Variants in PTPRG observed in about 807,000 individuals in gnomAD.
PTPRG encodes the protein receptor-type tyrosine-protein phosphatase gamma.
Under a neutral mutation model 165.3 loss-of-function variants are expected in PTPRG, and 102 were observed. That is an observed-to-expected ratio of 0.62 (90% CI 0.53 to 0.73). The LOEUF (loss-of-function observed/expected upper bound fraction) is 0.73, where lower values mean the gene tolerates loss of function less well. Among genes scored for constraint, PTPRG ranks in the 30% least tolerant of loss-of-function variants. The pLI, the probability that PTPRG is intolerant of heterozygous loss-of-function variation, is 0.00. For missense variants in PTPRG, 1,866 were observed against 1,861.4 expected (o/e 1.00, Z -0.05); for synonymous variants, 675 against 669.5 (o/e 1.01, Z -0.13).
chr3:61,649,438 G>A (rs1292982114), intron 1 of PTPRG, among the ~76,000 whole-genome samples: 1 of 152,138 alleles, frequency 6.6e-6, no homozygotes, highest in Non-Finnish European at 1.5e-5. Context: ...TTCCAAGGTG[G>A]CACCTTATTG....
At chr3:62,242,133 T>C (rs2106948113) in intron 14 of PTPRG, among the ~76,000 whole-genome samples, 1 of 152,316 alleles carries the variant, frequency 6.6e-6, no homozygotes, top group Admixed American at 6.5e-5. Flanking sequence ...TTCACATAGA[T>C]TTCCATTGCT....
chr3:61,622,326 A>G (rs565209852), intron 1 of PTPRG, among the ~76,000 whole-genome samples: 2 of 152,194 alleles, frequency 1.3e-5, no homozygotes, highest in Admixed American at 6.5e-5. Flanking sequence ...CAAGGTAAAG[A>G]AGGGGGAGCT....
chr3:62,102,199 C>T (rs1179995137), intron 5 of PTPRG, among the ~76,000 whole-genome samples: 3 of 152,152 alleles, frequency 2.0e-5, no homozygotes, highest in Non-Finnish European at 4.4e-5. Flanking sequence ...GAGCTTAGCA[C>T]AGCGTGGATA....
intron 3 of PTPRG, among the ~76,000 whole-genome samples, chr3:61,994,084 CT>C (rs2040961869): frequency 6.6e-6 from 1 of 152,236 alleles, no homozygotes; most frequent in African/African-American, 2.4e-5. Flanking sequence ...CCGTAACTAT[CT>C]ATTGTGCCAG....
In PTPRG at chr3:61,737,707, G is replaced by C. The variant is rs78981364; in HGVS notation, c.86-11171G>C. On this transcript the variant is annotated intron_variant, in intron 1 of 29. Transcript: ENST00000474889. ...TTTTAAGCAAAGGGGTGTCATGGTT[G>C]GAGTGTCCCCTGTATTTGATCCCCA... Among the ~76,000 whole-genome samples the C allele has an allele frequency of 8.2e-3, 1,246 of 152,118 alleles. 22 individuals carry two copies. The highest frequency in any genetic ancestry group is 0.027 in the African/African-American group (1,140 of 41,482).
intron 1 of PTPRG, among the ~76,000 whole-genome samples, chr3:61,672,160 A>G (rs1366407792): frequency 3.3e-5 from 4 of 120,496 alleles, no homozygotes; most frequent in Non-Finnish European, 5.2e-5. Context: ...CCCAGATGTG[A>G]TGGCGGCCGG....
intron 2 of PTPRG, among the ~76,000 whole-genome samples, chr3:61,967,168 C>T (rs1477322639): frequency 1.3e-5 from 2 of 152,144 alleles, no homozygotes; most frequent in African/African-American, 4.8e-5. Flanking sequence ...CTAGGCCTGA[C>T]CTGGACCATT....
intron 2 of PTPRG, among the ~76,000 whole-genome samples, chr3:61,926,609 C>CTCCCTCCCTCCCTCCCTCCCTCCCTCTT (rs1335655029): frequency 1.1e-5 from 1 of 94,788 alleles, no homozygotes; most frequent in Admixed American, 1.2e-4. Context: ...CCCTCCCTCC[C>CTCCCTCCCTCCCTCCCTCCCTCCCTCTT]TCCTTCCTTC....
Position 61,722,464 on chromosome 3 carries a change from T to G in PTPRG, c.86-26414T>G, listed in dbSNP as rs540185098. ...GCTGAAGGGAAATTTGGACACTAAA[T>G]TGATTTTGATGTAGCAGAGGAAGCA... On this transcript the variant is annotated intron_variant, in intron 1 of 29. Coordinates refer to ENST00000474889, the MANE Select transcript of PTPRG (RefSeq NM_002841.4). 2.0e-5 allele frequency among the ~76,000 whole-genome samples: 3 copies of G among 152,290 alleles called. No individual in the cohort carries two copies. The South Asian group carries it at 6.2e-4, about 32-fold the overall frequency.
At chr3:62,016,962 C>T (rs2041560612) in intron 4 of PTPRG, among the ~76,000 whole-genome samples, 1 of 152,172 alleles carries the variant, frequency 6.6e-6, no homozygotes, top group South Asian at 2.1e-4. Context: ...TTCTTCATAG[C>T]ATTCATCACT....
intron 2 of PTPRG, among the ~76,000 whole-genome samples, chr3:61,831,334 GAAA>G (rs2036287111): frequency 1.3e-5 from 2 of 152,338 alleles, no homozygotes; most frequent in South Asian, 4.1e-4. Flanking sequence ...AAGCAGTTAA[GAAA>G]GGAAGCAGTT....
At position 62,233,118 on chromosome 3, in the gene PTPRG, A is replaced by C. The variant is rs1021893050; in HGVS notation, c.2375+1807A>C. On this transcript the variant is annotated intron_variant, in intron 14 of 29. Transcript: ENST00000474889. The surrounding 1 kb of genome is among the most constrained non-coding windows in gnomAD (Gnocchi z 4.7). ...AGATGAGGAAATTCAGGCTCTGAGA[A>C]GTTGTCACTTGGCTAAGCCACCCTG... 1.3e-5 allele frequency among the ~76,000 whole-genome samples: 2 copies of C among 152,154 alleles called. No individual in the cohort carries two copies. The highest frequency in any genetic ancestry group is 4.8e-5 in the African/African-American group (2 of 41,430).
chr3:62,217,744 T>C lies in PTPRG; in HGVS notation c.2156-1107T>C, dbSNP rs908160524. The C allele has an allele frequency of 1.3e-5, 2 of 152,650 alleles. No homozygotes were observed. Among genetic ancestry groups the C allele is most frequent in the African/African-American group, 4.8e-5 (2 of 41,452 alleles). The allele number at this position is 152,650 out of a possible 1,614,324, so 9.5% of individuals were successfully genotyped here. A position where few individuals can be genotyped will look rare whatever the true frequency, so the allele number is the denominator to read the frequency against. On this transcript the variant is annotated intron_variant, in intron 12 of 29. Transcript: ENST00000474889. The surrounding 1 kb of genome is among the most constrained non-coding windows in gnomAD (Gnocchi z 4.3). ...CCCAGCACCCCAACCAGGGCTTCAT[T>C]TGGGCCACCTGGCATGTTCCGGGCA...
At chr3:62,047,148 C>T (rs1244696820) in intron 4 of PTPRG, among the ~76,000 whole-genome samples, 2 of 152,102 alleles carry the variant, frequency 1.3e-5, no homozygotes, top group Admixed American at 6.6e-5. Flanking sequence ...GTGATATAAC[C>T]CCATTTACTT....
chr3:61,888,322 GT>G (rs745595266), intron 2 of PTPRG, among the ~76,000 whole-genome samples: 1 of 149,500 alleles, frequency 6.7e-6, no homozygotes, highest in Non-Finnish European at 1.5e-5. Flanking sequence ...AAAATGGGTT[GT>G]TTTTTTTGTT....
At chr3:61,920,796 T>C (rs1225819716) in intron 2 of PTPRG, among the ~76,000 whole-genome samples, 1 of 152,248 alleles carries the variant, frequency 6.6e-6, no homozygotes, top group East Asian at 1.9e-4. Flanking sequence ...TTTCATATTT[T>C]AGCATTTTTT....
chr3:61,969,446 C>T (rs1217385857), intron 2 of PTPRG, among the ~76,000 whole-genome samples: 1 of 152,176 alleles, frequency 6.6e-6, no homozygotes, highest in East Asian at 1.9e-4. Context: ...ATAATACAAT[C>T]TTTTGGGTAC....
At chr3:61,755,625 G>A (rs541162247) in intron 2 of PTPRG, among the ~76,000 whole-genome samples, 1 of 152,302 alleles carries the variant, frequency 6.6e-6, no homozygotes, top group Admixed American at 6.5e-5. Context: ...AATTGCTGTT[G>A]CCAGATTCCA....
intron 1 of PTPRG, among the ~76,000 whole-genome samples, chr3:61,659,854 GT>G (rs202135964): frequency 6.6e-6 from 1 of 151,984 alleles, no homozygotes; most frequent in Non-Finnish European, 1.5e-5. Flanking sequence ...GAAATGAATG[GT>G]TTTTTTTAAA....
Sources: allele counts gnomAD v4.1 joint callset (sites outside exome capture counted in the v4.1 genomes callset), GRCh38; gene constraint gnomAD v4.1.1; non-coding constraint Gnocchi (gnomAD v3.1); transcripts MANE v1.5; gene names NCBI Gene and HGNC (gene_info 2026-07-23, HGNC 2026-07-21).